UGT1A5: variants seen among roughly 807,000 people sequenced by gnomAD.
UGT1A5 encodes the protein UDP-glucuronosyltransferase 1A5.
A neutral mutation model predicts 40.3 loss-of-function variants in UGT1A5; 29 were observed. The observed-to-expected ratio is 0.72, with a 90% CI of 0.54 to 0.98. UGT1A5 has a LOEUF of 0.98. UGT1A5 is among the 50% of genes least tolerant of loss of function. The pLI is 0.00. For missense variants in UGT1A5, 678 were observed against 677.9 expected, an observed-to-expected ratio of 1.00 and a Z score of 0.00; for synonymous variants, 257 against 262.5, an observed-to-expected ratio of 0.98 and a Z score of 0.20.
At chr2:233,748,000 T>C in intron 1 of UGT1A5, 1 of 1,613,538 alleles carries the variant, frequency 6.2e-7, no homozygotes, top group East Asian at 2.2e-5. Context: ...GACTTTGTGA[T>C]GGATTACCCC....
intron 1 of UGT1A5, among the ~76,000 whole-genome samples, chr2:233,737,542 G>A (rs1380608470): frequency 6.6e-6 from 1 of 152,180 alleles, no homozygotes; most frequent in East Asian, 1.9e-4. Flanking sequence ...CCCTGCTTCG[G>A]CTTGCCCTCA....
intron 1 of UGT1A5, among the ~76,000 whole-genome samples, chr2:233,737,486 G>A (rs929571204): frequency 1.3e-5 from 2 of 152,176 alleles, no homozygotes; most frequent in African/African-American, 4.8e-5. Context: ...TCTAGGAAAG[G>A]GAAATCCCTC....
At chr2:233,722,847 T>TATGAAGACACTACTTAAAAAA (rs1484611213) in intron 1 of UGT1A5, among the ~76,000 whole-genome samples, 1 of 139,226 alleles carries the variant, frequency 7.2e-6, no homozygotes, top group Non-Finnish European at 1.5e-5. Context: ...GAATGTTTCT[T>TATGAAGACACTACTTAAAAAA]TTTTTTTTTT....
At chr2:233,772,049 G>A (rs371064452) in intron 4 of UGT1A5, among the ~76,000 whole-genome samples, 4 of 152,178 alleles carry the variant, frequency 2.6e-5, no homozygotes, top group African/African-American at 9.7e-5. Context: ...GGAGTTGGAG[G>A]CTGCAGTTAG....
chr2:233,714,291 C>T (rs1156698569), intron 1 of UGT1A5, among the ~76,000 whole-genome samples: 1 of 152,082 alleles, frequency 6.6e-6, no homozygotes, highest in African/African-American at 2.4e-5. Flanking sequence ...TTTAGTGGTC[C>T]CATCTTGCAA....
At chr2:233,737,085 G>C (rs1351233887) in intron 1 of UGT1A5, among the ~76,000 whole-genome samples, 2 of 152,202 alleles carry the variant, frequency 1.3e-5, no homozygotes, top group Non-Finnish European at 2.9e-5. Flanking sequence ...TGTCAGACAG[G>C]GATGTTTAAG....
chr2:233,718,053 C>A, intron 1 of UGT1A5: 1 of 364,042 alleles, frequency 2.7e-6, no homozygotes, highest in Non-Finnish European at 5.4e-6. Flanking sequence ...GCTCCCTGAA[C>A]CCACCGTGGG....
chr2:233,728,926 A>AAAAACTG (rs1334222423), intron 1 of UGT1A5, among the ~76,000 whole-genome samples: 4,919 of 152,266 alleles, frequency 0.032, 259 homozygotes, highest in African/African-American at 0.11. Flanking sequence ...GATAGTCATG[A>AAAAACTG]TCGGTCTTTT....
At position 233,743,134 on chromosome 2, in the gene UGT1A5, TA is replaced by T. The variant is rs919324462; in HGVS notation, c.868-23893del. 39 of 357,156 alleles carry T rather than the reference TA, an allele frequency of 1.1e-4. 1 individual carries two copies. The highest frequency in any genetic ancestry group is 8.0e-4 in the African/African-American group (37 of 46,406). 22.1% of individuals were successfully genotyped at this position (357,156 alleles called of 1,614,324 possible). Reference sequence around the variant, plus strand: ...TGAAAGTAAAGTTCACTTTCAATCCTAAAAAAAGTCCGCTATTCCTCCAGAT... The same window carrying T: ...TGAAAGTAAAGTTCACTTTCAATCCTAAAAAAGTCCGCTATTCCTCCAGAT... On this transcript the variant is annotated intron_variant, in intron 1 of 4. Coordinates refer to ENST00000373414, the MANE Select transcript of UGT1A5 (RefSeq NM_019078.2).
chr2:233,724,791 C>T (rs1433624542), intron 1 of UGT1A5, among the ~76,000 whole-genome samples: 3 of 139,654 alleles, frequency 2.1e-5, no homozygotes, highest in Non-Finnish European at 4.6e-5. Context: ...ACTTCCCAGA[C>T]GGGGTGGCGG....
At chr2:233,753,977 T>C (rs138478111) in intron 1 of UGT1A5, among the ~76,000 whole-genome samples, 15 of 152,322 alleles carry the variant, frequency 9.8e-5, no homozygotes, top group African/African-American at 3.4e-4. Context: ...ACGTGTGTTG[T>C]TTTAAGCCAC....
chr2:233,742,167 C>G (rs1211667030), intron 1 of UGT1A5, among the ~76,000 whole-genome samples: 2 of 151,916 alleles, frequency 1.3e-5, no homozygotes, highest in Non-Finnish European at 2.9e-5. Flanking sequence ...GACACACACA[C>G]AGAAATATAG....
chr2:233,720,278 T>A (rs1449886876), intron 1 of UGT1A5, among the ~76,000 whole-genome samples: 2 of 151,854 alleles, frequency 1.3e-5, no homozygotes. Flanking sequence ...CTGAGAAAAG[T>A]TTTTCTGACC....
chr2:233,761,024 A>T, intron 1 of UGT1A5: 1 of 1,614,070 alleles, frequency 6.2e-7, no homozygotes, highest in Non-Finnish European at 8.5e-7. Context: ...ACTGTCCAGG[A>T]CCTATTGAGC....
intron 1 of UGT1A5, chr2:233,730,094 A>C: frequency 6.3e-7 from 1 of 1,593,062 alleles, no homozygotes; most frequent in Non-Finnish European, 8.5e-7. Flanking sequence ...ATCTTTCCAA[A>C]TATTTCATTT....
chr2:233,768,183 A>T (rs753962326), intron 3 of UGT1A5, 37 bp from the exon 4 acceptor site: 2 of 1,614,004 alleles, frequency 1.2e-6, no homozygotes, highest in Admixed American at 3.3e-5. Context: ...AAACTCAGAG[A>T]TGTAACTGCT....
intron 1 of UGT1A5, among the ~76,000 whole-genome samples, chr2:233,736,718 T>C (rs1407462438): frequency 1.3e-5 from 2 of 152,092 alleles, no homozygotes; most frequent in East Asian, 3.9e-4. Flanking sequence ...ATGTCCTTTT[T>C]GTTGATGTTT....
rs571873235 is a variant in UGT1A5, at chr2:233,755,171, G to C, written c.868-11863G>C. On this transcript the variant is annotated intron_variant, in intron 1 of 4. Transcript: ENST00000373414. ...CTTCCTCCCTGTCCTCGGGGTTTTT[G>C]TCGGGGTGCCACTTGAGCGCCAGCT... 3.0e-4 allele frequency: 375 copies of C among 1,256,390 alleles called. 6 individuals carry two copies. In the South Asian group the frequency reaches 4.2e-3, roughly 14 times the overall value. The allele number at this position is 1,256,390 out of a possible 1,614,324, so 77.8% of individuals were successfully genotyped here.
chr2:233,724,847 C>T (rs1352664169), intron 1 of UGT1A5, among the ~76,000 whole-genome samples: 1 of 131,490 alleles, frequency 7.6e-6, no homozygotes, highest in Non-Finnish European at 1.6e-5. Flanking sequence ...CCAAGGCAGG[C>T]GGCTGGGAGG....
Sources: gnomAD v4.1 joint callset for allele counts (sites outside exome capture counted in the v4.1 genomes callset) on GRCh38, gnomAD v4.1.1 for gene constraint, MANE v1.5 for transcripts, NCBI Gene and HGNC (gene_info 2026-07-23, HGNC 2026-07-21) for gene names.